Variants in ADAMTS2 observed in about 807,000 individuals in gnomAD.
ADAMTS2 encodes ADAM metallopeptidase with thrombospondin type 1 motif 2, also known as A disintegrin and metalloproteinase with thrombospondin motifs 2.
Under a neutral mutation model 123.0 loss-of-function variants are expected in ADAMTS2, and 50 were observed. The observed-to-expected ratio is 0.41, with a 90% CI of 0.32 to 0.51. The LOEUF is 0.51. Ranked by LOEUF, ADAMTS2 falls within the 20% of genes least tolerant of loss-of-function variation. The pLI is 0.35. For missense variants in ADAMTS2, 1,494 were observed against 1,705.2 expected (o/e 0.88, Z 2.18); for synonymous variants, 678 against 695.4 (o/e 0.98, Z 0.39).
chr5:179,116,482 G>C (rs953787764), intron 21 of ADAMTS2, among the ~76,000 whole-genome samples: 6 of 152,160 alleles, frequency 3.9e-5, no homozygotes, highest in African/African-American at 1.4e-4. Flanking sequence ...TCCTTGAGCA[G>C]GTAAGGTCTC....
intron 4 of ADAMTS2, among the ~76,000 whole-genome samples, chr5:179,196,509 G>A (rs777652687): frequency 2.0e-5 from 3 of 152,140 alleles, no homozygotes; most frequent in East Asian, 1.9e-4. Flanking sequence ...GTTCTACAGC[G>A]GTTAAGAGCA....
At chr5:179,146,331 G>A (rs1234326714) in intron 10 of ADAMTS2, among the ~76,000 whole-genome samples, 1 of 152,172 alleles carries the variant, frequency 6.6e-6, no homozygotes, top group Non-Finnish European at 1.5e-5. Flanking sequence ...AGTTATGGGT[G>A]ACGCCATCTG....
rs947835877 is a variant in ADAMTS2 at position 179,130,884 on chromosome 5, C to T, written c.2291-786G>A. 5.9e-5 allele frequency among the ~76,000 whole-genome samples: 9 copies of T among 152,220 alleles called. No individual in the cohort carries two copies. The highest frequency in any genetic ancestry group is 1.4e-4 in the African/African-American group (6 of 41,516). On this transcript the variant is annotated intron_variant, in intron 15 of 21. Transcript: ENST00000251582. This position sits in a 1 kb window ranked among gnomAD's most constrained non-coding sequence, Gnocchi z 4.3. ...GCCCTTGCTCCCTTTCCACAGAGAG[C>T]GACCTCAGCCCCAGAGGCGGTGGCA... is the stretch of plus-strand genomic sequence containing the variant.
Position 179,317,633 on chromosome 5 carries a change from G to A in ADAMTS2, c.534+26134C>T, listed in dbSNP as rs1209522600. 4.6e-5 allele frequency among the ~76,000 whole-genome samples: 7 copies of A among 152,132 alleles called. No individual in the cohort carries two copies. The highest frequency in any genetic ancestry group is 8.8e-5 in the Non-Finnish European group (6 of 68,032). ...AATCTATGTCCCCCGGATGGCCAGC[G>A]GGCACAGAGCATATGTGTGCTGAGG... On this transcript the variant is annotated intron_variant, in intron 2 of 21. Coordinates refer to ENST00000251582, the MANE Select transcript of ADAMTS2 (RefSeq NM_014244.5). This position sits in a 1 kb window ranked among gnomAD's most constrained non-coding sequence, Gnocchi z 4.9.
chr5:179,279,891 T>G (rs1766842593), intron 2 of ADAMTS2, among the ~76,000 whole-genome samples: 1 of 152,260 alleles, frequency 6.6e-6, no homozygotes, highest in Non-Finnish European at 1.5e-5. Context: ...GGGCAGGAGC[T>G]GTCCATGGGG....
intron 2 of ADAMTS2, among the ~76,000 whole-genome samples, chr5:179,322,450 C>G (rs541692096): frequency 2.8e-4 from 43 of 152,190 alleles, no homozygotes; most frequent in Non-Finnish European, 6.0e-4. Context: ...CAGGTCCGCA[C>G]TACAGGCTCT....
rs1762608325 is a variant in ADAMTS2, at chr5:179,113,557, T to A, written c.*310A>T. ...CACTGCTTAGCAACTTGGGGCCTATTTTTGTTCTCTCAGAGTGATCCCTCT... is the reference window on the plus strand; with the variant it reads ...CACTGCTTAGCAACTTGGGGCCTATATTTGTTCTCTCAGAGTGATCCCTCT... On this transcript the variant is annotated 3_prime_UTR_variant, in exon 22 of 22. Transcript: ENST00000251582. 2.5e-6 allele frequency: 1 copy of A among 398,624 alleles called. No homozygotes were observed. The highest frequency in any genetic ancestry group is 3.9e-5 in the Admixed American group (1 of 25,792). The allele number at this position is 398,624 out of a possible 1,614,324, so 24.7% of individuals were successfully genotyped here. A position where few individuals can be genotyped will look rare whatever the true frequency, so the allele number is the denominator to read the frequency against.
At chr5:179,337,557 C>T (rs761304902) in intron 2 of ADAMTS2, among the ~76,000 whole-genome samples, 2 of 152,222 alleles carry the variant, frequency 1.3e-5, no homozygotes, top group African/African-American at 2.4e-5. Context: ...CCTGCTGTGC[C>T]GGCAGCAACA....
intron 3 of ADAMTS2, among the ~76,000 whole-genome samples, chr5:179,241,721 G>A (rs955645615): frequency 6.6e-6 from 1 of 152,240 alleles, no homozygotes; most frequent in African/African-American, 2.4e-5. Flanking sequence ...CAGGAAAAGT[G>A]TAGTCAAAAG....
At chr5:179,311,371 T>C (rs1467265799) in intron 2 of ADAMTS2, among the ~76,000 whole-genome samples, 1 of 152,166 alleles carries the variant, frequency 6.6e-6, no homozygotes, top group African/African-American at 2.4e-5. Context: ...GGCACAGCAA[T>C]GGGCCAGGGT....
At chr5:179,333,382 G>A (rs750912613) in intron 2 of ADAMTS2, among the ~76,000 whole-genome samples, 23 of 152,118 alleles carry the variant, frequency 1.5e-4, no homozygotes, top group Non-Finnish European at 2.9e-5. Context: ...GTGAGCACCC[G>A]TCATGCTGTA....
intron 2 of ADAMTS2, among the ~76,000 whole-genome samples, chr5:179,326,582 C>T (rs1254754660): frequency 6.6e-6 from 1 of 151,086 alleles, no homozygotes; most frequent in Non-Finnish European, 1.5e-5. Flanking sequence ...AGCGCTTTCA[C>T]ACTGTGGTCC....
chr5:179,320,731 G>A lies in ADAMTS2; in HGVS notation c.534+23036C>T, dbSNP rs540870514. Among the ~76,000 whole-genome samples, 3 of 152,306 alleles carry A rather than the reference G, an allele frequency of 2.0e-5. No individual in the cohort carries two copies. The South Asian group carries it at 6.2e-4, about 32-fold the overall frequency. On this transcript the variant is annotated intron_variant, in intron 2 of 21. Coordinates refer to ENST00000251582, the MANE Select transcript of ADAMTS2 (RefSeq NM_014244.5). The stretch of plus-strand genomic sequence containing the variant: ...ACCCAGCCTAGGCCAGGTAGAATAC[G>A]TTGTCATCTGACTACATGAACATAG...
chr5:179,188,054 A>G lies in ADAMTS2; in HGVS notation c.892-6899T>C, dbSNP rs796111941. Among the ~76,000 whole-genome samples, 12 of 151,940 alleles carry G rather than the reference A, an allele frequency of 7.9e-5. No individual in the cohort carries two copies. The highest frequency in any genetic ancestry group is 2.9e-4 in the African/African-American group (12 of 41,456). On this transcript the variant is annotated intron_variant, in intron 4 of 21. Coordinates refer to ENST00000251582, the MANE Select transcript of ADAMTS2 (RefSeq NM_014244.5). This position sits in a 1 kb window ranked among gnomAD's most constrained non-coding sequence, Gnocchi z 5.1. The stretch of plus-strand genomic sequence containing the variant: ...GGGGGAGGGGTGCAGAAAGGGGGGA[A>G]CCGGTGCAGGCTCCCTACTGGGGAG...
chr5:179,324,549 C>T (rs1757262636), intron 2 of ADAMTS2, among the ~76,000 whole-genome samples: 1 of 152,086 alleles, frequency 6.6e-6, no homozygotes. Context: ...CGCCACCACG[C>T]CCGGCTAGTT....
intron 4 of ADAMTS2, among the ~76,000 whole-genome samples, chr5:179,200,510 A>G (rs1374498019): frequency 2.0e-5 from 3 of 152,048 alleles, no homozygotes; most frequent in Non-Finnish European, 4.4e-5. Context: ...TGGCCTCCCA[A>G]AGTCCTAGGA....
Position 179,154,168 on chromosome 5 carries a change from C to A in ADAMTS2, c.1263G>T (p.Gln421His), listed in dbSNP as rs1465914673. 1 of 1,565,784 alleles carries A rather than the reference C, an allele frequency of 6.4e-7. No homozygotes were observed. The stretch of plus-strand genomic sequence containing the variant: ...GCACCTCGTCGCCACAGCGGTTGCC[C>A]TGCCCGTCGTGCTCCATGCCCAGCC... ...GHVLGMEHDGQGNRCGDEVRL... is the reference protein window; with the variant it reads ...GHVLGMEHDGHGNRCGDEVRL... Residue 421 changes from glutamine (Q) to histidine (H), a missense_variant, in exon 8 of 22, where the codon CAG becomes CAT. By Grantham distance (24) the Gln-to-His change is conservative. Around this residue, in one of 6 missense-constraint regions of ADAMTS2, gnomAD observed 953 missense variants for 1,124.7 expected, o/e 0.85. Transcript: ENST00000251582.
chr5:179,159,198 C>G (rs1485461228), intron 5 of ADAMTS2, among the ~76,000 whole-genome samples: 2 of 152,192 alleles, frequency 1.3e-5, no homozygotes, highest in Non-Finnish European at 1.5e-5. Flanking sequence ...TCCAGAAGTC[C>G]CTGTGTTTGT....
chr5:179,176,544 C>T (rs1390714851), intron 5 of ADAMTS2, among the ~76,000 whole-genome samples: 1 of 152,216 alleles, frequency 6.6e-6, no homozygotes, highest in Non-Finnish European at 1.5e-5. Context: ...CCTTCACCCA[C>T]CTAGTGCCAC....
Sources: gnomAD v4.1 joint callset for allele counts (sites outside exome capture counted in the v4.1 genomes callset) on GRCh38, gnomAD v4.1.1 for gene constraint, gnomAD v4.1.1 regional missense constraint, Gnocchi (gnomAD v3.1) non-coding constraint, MANE v1.5 for transcripts, NCBI Gene and HGNC (gene_info 2026-07-23, HGNC 2026-07-21) for gene names.